The following HEATR5B variants were observed in gnomAD, a reference collection of about 807,000 sequenced individuals.
HEATR5B encodes HEAT repeat containing 5B, also known as HEAT repeat-containing protein 5B.
A neutral mutation model predicts 224.1 loss-of-function variants in HEATR5B; 156 were observed. The ratio of observed to expected loss-of-function variants is 0.70; its 90% CI spans 0.61 to 0.80. The LOEUF (loss-of-function observed/expected upper bound fraction) is 0.80, where lower values mean the gene tolerates loss of function less well. HEATR5B is among the 30% of genes least tolerant of loss of function. HEATR5B has a pLI of 0.00. For synonymous variants in HEATR5B, 1,027 were observed against 893.0 expected, an observed-to-expected ratio of 1.15 and a Z score of -2.68; for missense variants, 2,323 against 2,535.5, an observed-to-expected ratio of 0.92 and a Z score of 1.80.
intron 34 of HEATR5B, 146 bp downstream of exon 34, chr2:36,990,502 A>T: frequency 1.6e-6 from 1 of 629,688 alleles, no homozygotes; most frequent in Non-Finnish European, 2.6e-6. Context: ...GCTTAAACCC[A>T]GTGATTTGTT....
Position 37,003,675 on chromosome 2 carries a change from A to C in HEATR5B, c.4917T>G (p.Val1639=). ...VHIAEDQLIG[V]ELLSVLHRLL... ...GGCGGTGCAAAACACTCAGCAACTC[A>C]ACACCTATCAGCTAATACAAATAAA... The change falls in exon 31 of 36, where the codon GTT becomes GTG. Residue 1639 remains valine, a synonymous_variant. Transcript: ENST00000233099. 1 of 1,604,792 alleles carries C rather than the reference A, an allele frequency of 6.2e-7. No homozygotes were observed. The highest frequency in any genetic ancestry group is 8.5e-7 in the Non-Finnish European group (1 of 1,175,478).
chr2:36,993,608 C>T (rs1666489015), intron 33 of HEATR5B, among the ~76,000 whole-genome samples: 1 of 151,522 alleles, frequency 6.6e-6, no homozygotes, highest in Non-Finnish European at 1.5e-5. Context: ...AAAGTATTTC[C>T]CCACAGGTTA....
chr2:37,072,062 T>A, intron 6 of HEATR5B, 48 bp downstream of exon 6: 1 of 1,445,426 alleles, frequency 6.9e-7, no homozygotes, highest in East Asian at 2.4e-5. Flanking sequence ...CTATATGCAA[T>A]AACTAATTAG....
intron 6 of HEATR5B, among the ~76,000 whole-genome samples, chr2:37,071,585 C>T (rs1671909577): frequency 6.6e-6 from 1 of 152,032 alleles, no homozygotes; most frequent in Non-Finnish European, 1.5e-5. Context: ...TTTCATAAAT[C>T]TTATGTGCTT....
At chr2:37,030,910 C>T (rs1293793653) in intron 22 of HEATR5B, among the ~76,000 whole-genome samples, 1 of 152,214 alleles carries the variant, frequency 6.6e-6, no homozygotes, top group Non-Finnish European at 1.5e-5. Flanking sequence ...AGGTTTCCCA[C>T]CATTAATTCC....
intron 2 of HEATR5B, among the ~76,000 whole-genome samples, chr2:37,081,400 A>C (rs929702358): frequency 6.6e-6 from 1 of 152,202 alleles, no homozygotes; most frequent in Non-Finnish European, 1.5e-5. Flanking sequence ...GGGTAGCAAC[A>C]ACAACAGGAA....
chr2:37,032,865 CA>C lies in HEATR5B; in HGVS notation c.3217-93del, dbSNP rs1301628658. 2.6e-5 allele frequency: 25 copies of C among 956,476 alleles called. 1 individual carries two copies. Among genetic ancestry groups the C allele is most frequent in the South Asian group, 5.5e-5 (3 of 54,348 alleles). 59.2% of individuals were successfully genotyped at this position (956,476 alleles called of 1,614,324 possible). ...CAATGAATATATATATACATACATA[CA>C]TATATATGTTTTGTTTTGTTTTTTT... On this transcript the variant is annotated intron_variant, in intron 21 of 35. Coordinates refer to ENST00000233099, the MANE Select transcript of HEATR5B (RefSeq NM_019024.3).
chr2:36,989,233 G>A (rs974589379), intron 34 of HEATR5B, among the ~76,000 whole-genome samples: 2 of 151,988 alleles, frequency 1.3e-5, no homozygotes, highest in African/African-American at 4.8e-5. Flanking sequence ...TTACAGGTGC[G>A]CACCACCACA....
At chr2:37,080,812 A>T (rs1402034603) in intron 2 of HEATR5B, among the ~76,000 whole-genome samples, 3 of 152,168 alleles carry the variant, frequency 2.0e-5, no homozygotes, top group African/African-American at 7.2e-5. Context: ...AGGAAGAGTT[A>T]AAAAAGAACA....
Position 37,079,682 on chromosome 2 carries a change from T to A in HEATR5B, c.127-351A>T, listed in dbSNP as rs145673035. ...ACTGATGTCTTACAACCCAGATAGG[T>A]TTCCTATGTAAAAGTGAAGTCAGTA... is the stretch of plus-strand genomic sequence containing the variant. On this transcript the variant is annotated intron_variant, in intron 2 of 35. Coordinates refer to ENST00000233099, the MANE Select transcript of HEATR5B (RefSeq NM_019024.3). Among the ~76,000 whole-genome samples the A allele has an allele frequency of 3.0e-3, 459 of 152,124 alleles. 2 individuals carry two copies. The highest frequency in any genetic ancestry group is 9.4e-3 in the African/African-American group (391 of 41,498).
intron 26 of HEATR5B, among the ~76,000 whole-genome samples, chr2:37,017,687 CAAAAAAA>C (rs1056240189): frequency 4.4e-4 from 27 of 61,700 alleles, no homozygotes; most frequent in African/African-American, 1.3e-3. Flanking sequence ...AATTCCGTCT[CAAAAAAA>C]AAAAAAAAAA....
intron 19 of HEATR5B, 38 bp downstream of exon 19, chr2:37,041,095 T>A: frequency 6.4e-7 from 1 of 1,555,636 alleles, no homozygotes; most frequent in Non-Finnish European, 8.8e-7. Flanking sequence ...CAAAAAATTT[T>A]CTAAACTTTT....
Position 37,057,404 on chromosome 2 carries a change from G to C in HEATR5B, c.2136C>G (p.Ser712=). 6.2e-7 allele frequency: 1 copy of C among 1,611,938 alleles called. No individual in the cohort carries two copies. Among genetic ancestry groups the C allele is most frequent in the Non-Finnish European group, 8.5e-7 (1 of 1,178,914 alleles). Residue 712 remains serine, a synonymous_variant, in exon 15 of 36, where the codon TCC becomes TCG. Coordinates refer to ENST00000233099, the MANE Select transcript of HEATR5B (RefSeq NM_019024.3). The part of the protein sequence containing the change: ...LTDNSANTTT[S]LLRSLCHYDD... ...CATAATGGCAGAGGGATCTGAGGAGGGAAGTAGTTGTGTTGGCTGAGTTGT... is the reference window on the plus strand; with the variant it reads ...CATAATGGCAGAGGGATCTGAGGAGCGAAGTAGTTGTGTTGGCTGAGTTGT...
At chr2:37,048,988 T>C (rs1204540897) in intron 18 of HEATR5B, among the ~76,000 whole-genome samples, 3 of 152,230 alleles carry the variant, frequency 2.0e-5, no homozygotes, top group African/African-American at 7.2e-5. Context: ...AAGAATGATA[T>C]AATTTACATA....
At chr2:37,069,506 A>C (rs751955699) in intron 7 of HEATR5B, among the ~76,000 whole-genome samples, 10 of 152,200 alleles carry the variant, frequency 6.6e-5, no homozygotes, top group Non-Finnish European at 1.3e-4. Flanking sequence ...TTATAATTAC[A>C]CTGGTGATTA....
chr2:37,045,508 G>A (rs1327913730), intron 18 of HEATR5B, among the ~76,000 whole-genome samples: 1 of 152,130 alleles, frequency 6.6e-6, no homozygotes, highest in Non-Finnish European at 1.5e-5. Context: ...TTTCTATTCT[G>A]AATAGTGGGA....
chr2:36,988,529 G>C, intron 35 of HEATR5B, 117 bp downstream of exon 35: 1 of 797,046 alleles, frequency 1.3e-6, no homozygotes, highest in South Asian at 1.9e-5. Context: ...CAGAGTGCTG[G>C]GACTCCCAAA....
intron 32 of HEATR5B, among the ~76,000 whole-genome samples, chr2:37,001,955 C>T (rs1667117322): frequency 6.6e-6 from 1 of 152,222 alleles, no homozygotes; most frequent in African/African-American, 2.4e-5. Context: ...GCATGAGCCA[C>T]CGCACCTGGC....
At position 37,061,938 on chromosome 2, in the gene HEATR5B, C is replaced by T; in HGVS notation, c.1696+1G>A. On this transcript the variant is annotated splice_donor_variant, in intron 11 of 35. Transcript: ENST00000233099. LOFTEE classifies it high-confidence loss of function. ...AAAATCCTACTCAAATATAATTATA[C>T]CTAAAGTCATAAGTGCTCCAAGTAA... The T allele has an allele frequency of 6.3e-7, 1 of 1,588,814 alleles. No individual in the cohort carries two copies. The highest frequency in any genetic ancestry group is 8.6e-7 in the Non-Finnish European group (1 of 1,157,572).
Sources: allele counts gnomAD v4.1 joint callset (sites outside exome capture counted in the v4.1 genomes callset), GRCh38; gene constraint gnomAD v4.1.1; transcripts MANE v1.5; gene names NCBI Gene and HGNC (gene_info 2026-07-23, HGNC 2026-07-21).